Variants in ZNF837 observed in about 807,000 individuals in gnomAD.
ZNF837 encodes the protein zinc finger protein 837.
For synonymous variants in ZNF837, 475 were observed against 365.2 expected (o/e 1.30, Z -3.43); for missense variants, 955 against 801.7 (o/e 1.19, Z -2.31).
At chr19:58,370,449 C>T (rs971915632) in intron 1 of ZNF837, among the ~76,000 whole-genome samples, 3 of 152,148 alleles carry the variant, frequency 2.0e-5, no homozygotes, top group Admixed American at 6.5e-5. Context: ...GTTCTTTTGC[C>T]TTGTGAAGTA....
intron 1 of ZNF837, among the ~76,000 whole-genome samples, chr19:58,376,011 C>T (rs2052242287): frequency 6.6e-6 from 1 of 151,906 alleles, no homozygotes; most frequent in Non-Finnish European, 1.5e-5. Flanking sequence ...CTCTGCCTCC[C>T]AGGTTCAAGC....
chr19:58,371,783 G>A (rs775350672), intron 1 of ZNF837, among the ~76,000 whole-genome samples: 11 of 152,086 alleles, frequency 7.2e-5, no homozygotes, highest in Admixed American at 2.0e-4. Flanking sequence ...GTGCAGTGGC[G>A]CCATCTCAGC....
At chr19:58,379,712 A>C (rs2052275045) in intron 1 of ZNF837, among the ~76,000 whole-genome samples, 1 of 152,240 alleles carries the variant, frequency 6.6e-6, no homozygotes, top group African/African-American at 2.4e-5. Flanking sequence ...CTGAGAGGTT[A>C]ACGTGGCCAA....
rs531657027 is a variant in ZNF837 at position 58,370,927 on chromosome 19, AGAGG to A, written c.-139-1003_-139-1000del. On this transcript the variant is annotated intron_variant, in intron 1 of 2. Transcript: ENST00000597582. ...AAAAGGAAAAAAAGAAAAGAGAGAG[AGAGG>A]GAGGGAGGGGTGAAGGCCGGGGGGG... Among the ~76,000 whole-genome samples the A allele has an allele frequency of 4.0e-4, 29 of 73,242 alleles. 1 individual carries two copies. The South Asian group carries it at 6.5e-3, about 16-fold the overall frequency. 48.0% of individuals were successfully genotyped at this position (73,242 alleles called of 152,430 possible).
rs971927113 is a variant in ZNF837, at chr19:58,372,898, T to C, written c.-139-2970A>G. The stretch of plus-strand genomic sequence containing the variant: ...CAGGCCCGGTTCCTGCTCTGCTGTA[T>C]GGGAGGCTGCTGGCCTGAGCTGGAG... On this transcript the variant is annotated intron_variant, in intron 1 of 2. Transcript: ENST00000597582. 2.0e-5 allele frequency among the ~76,000 whole-genome samples: 3 copies of C among 152,174 alleles called. No individual in the cohort carries two copies. The East Asian group carries it at 5.8e-4, about 29-fold the overall frequency.
chr19:58,367,939 T>G lies in ZNF837; in HGVS notation c.1394A>C (p.His465Pro). The change falls in exon 3 of 3, where the codon CAC becomes CCC. Residue 465 changes from histidine to proline, a missense_variant. Coordinates refer to ENST00000597582, the MANE Select transcript of ZNF837 (RefSeq NM_138466.2). ...TFRGCSELRQHERLHSGEKPY... is the reference protein window; with the variant it reads ...TFRGCSELRQPERLHSGEKPY... ...CTTCTCGCCCGAGTGCAGGCGCTCGTGCTGGCGCAGCTCGGAGCAGCCGCG... is the reference window on the plus strand; with the variant it reads ...CTTCTCGCCCGAGTGCAGGCGCTCGGGCTGGCGCAGCTCGGAGCAGCCGCG... 6.5e-7 allele frequency: 1 copy of G among 1,534,048 alleles called. No homozygotes were observed. The highest frequency in any genetic ancestry group is 1.2e-5 in the South Asian group (1 of 83,866).
intron 1 of ZNF837, among the ~76,000 whole-genome samples, chr19:58,376,382 C>T (rs986315840): frequency 6.6e-6 from 1 of 150,994 alleles, no homozygotes; most frequent in African/African-American, 2.4e-5. Context: ...GAAACCCCAT[C>T]TCTACTAAAA....
chr19:58,368,021 G>T lies in ZNF837; in HGVS notation c.1312C>A (p.Gln438Lys). Residue 438 changes from glutamine (Q) to lysine (K), a missense_variant, in exon 3 of 3, where the codon CAG becomes AAG. Physicochemically the swap from Gln to Lys is moderately conservative, Grantham distance 53. Transcript: ENST00000597582. ...FKGRSGLVQHQRAHTGERPYG... is the reference protein window; with the variant it reads ...FKGRSGLVQHKRAHTGERPYG... ...GGCCGCTCGCCGGTGTGCGCGCGCT[G>T]GTGTTGCACCAGGCCCGAGCGGCCC... 1.3e-6 allele frequency: 2 copies of T among 1,535,434 alleles called. No homozygotes were observed. The highest frequency in any genetic ancestry group is 2.4e-5 in the South Asian group (2 of 84,006).
intron 1 of ZNF837, among the ~76,000 whole-genome samples, chr19:58,377,759 G>C (rs1323119317): frequency 6.6e-6 from 1 of 152,210 alleles, no homozygotes; most frequent in Non-Finnish European, 1.5e-5. Flanking sequence ...GCCACCACAT[G>C]GGAAGTTGTG....
chr19:58,379,538 C>T (rs1283547575), intron 1 of ZNF837, among the ~76,000 whole-genome samples: 1 of 152,208 alleles, frequency 6.6e-6, no homozygotes, highest in African/African-American at 2.4e-5. Context: ...GTCCCAGGAG[C>T]CCGTCCTTGA....
rs2052159676 is a variant in ZNF837, at chr19:58,368,298, C to T, written c.1035G>A (p.Gly345=). The T allele has an allele frequency of 3.4e-6, 5 of 1,482,278 alleles. No homozygotes were observed. The East Asian group carries it at 1.3e-4, about 38-fold the overall frequency. The allele number at this position is 1,482,278 out of a possible 1,614,324, so 91.8% of individuals were successfully genotyped here. A position where few individuals can be genotyped will look rare whatever the true frequency, so the allele number is the denominator to read the frequency against. Residue 345 remains glycine (G), a synonymous_variant, in exon 3 of 3, where the codon GGG becomes GGA. Transcript: ENST00000597582. ...GTCGGGGACTCCGCTCGCTGTAGTC[C>T]CCGCAGGGCGGGCACCCCAGCCGGA... ...RAFRLGCPPC[G]DYSERSPRRG...
At position 58,375,270 on chromosome 19, in the gene ZNF837, G is replaced by GTATATATATA. The variant is rs58582835; in HGVS notation, c.-139-5352_-139-5343dup. 4.1e-3 allele frequency among the ~76,000 whole-genome samples: 141 copies of GTATATATATA among 34,762 alleles called. 2 individuals are homozygous for GTATATATATA. Among genetic ancestry groups the GTATATATATA allele is most frequent in the African/African-American group, 6.1e-3 (63 of 10,336 alleles). The allele number at this position is 34,762 out of a possible 152,430, so 22.8% of individuals were successfully genotyped here. On this transcript the variant is annotated intron_variant, in intron 1 of 2. Coordinates refer to ENST00000597582, the MANE Select transcript of ZNF837 (RefSeq NM_138466.2). ...GAATCTGTCTCAAAAAAAAAAAAAA[G>GTATATATATA]TATATATATATATATATATATATAT...
In ZNF837 at chr19:58,368,649, G is replaced by T. The variant is rs7255916; in HGVS notation, c.684C>A (p.Ala228=). The change falls in exon 3 of 3, where the codon GCC becomes GCA. Residue 228 remains alanine (A), a synonymous_variant. Coordinates refer to ENST00000597582, the MANE Select transcript of ZNF837 (RefSeq NM_138466.2). The part of the protein sequence containing the change: ...LQATEEPRPC[A]RCGKRFRPNQ... Reference sequence around the variant, plus strand: ...TGGGGCGGAAGCGCTTCCCGCACCGGGCACACGGACGGGGCTCCTCCGTCG... The same window carrying T: ...TGGGGCGGAAGCGCTTCCCGCACCGTGCACACGGACGGGGCTCCTCCGTCG... 3.9e-6 allele frequency: 6 copies of T among 1,529,900 alleles called. No individual in the cohort carries two copies. The highest frequency in any genetic ancestry group is 1.2e-5 in the South Asian group (1 of 83,328). The allele number at this position is 1,529,900 out of a possible 1,614,324, so 94.8% of individuals were successfully genotyped here. A position where few individuals can be genotyped will look rare whatever the true frequency, so the allele number is the denominator to read the frequency against.
At chr19:58,377,405 G>A (rs567367199) in intron 1 of ZNF837, among the ~76,000 whole-genome samples, 20 of 151,990 alleles carry the variant, frequency 1.3e-4, no homozygotes, top group Admixed American at 5.2e-4. Context: ...GTGTGAACCC[G>A]GGAGGCGGAG....
chr19:58,379,283 A>C (rs1319380519), intron 1 of ZNF837, among the ~76,000 whole-genome samples: 2 of 152,188 alleles, frequency 1.3e-5, no homozygotes, highest in African/African-American at 4.8e-5. Context: ...TGCTAACAGC[A>C]TCTTCGGATT....
chr19:58,372,436 G>C (rs553562465), intron 1 of ZNF837, among the ~76,000 whole-genome samples: 7 of 152,022 alleles, frequency 4.6e-5, no homozygotes, highest in South Asian at 2.1e-4. Flanking sequence ...GGGAGTCCGG[G>C]GGGGGCGGAT....
At chr19:58,378,428 CTG>C (rs2052266178) in intron 1 of ZNF837, among the ~76,000 whole-genome samples, 1 of 152,218 alleles carries the variant, frequency 6.6e-6, no homozygotes, top group South Asian at 2.1e-4. Context: ...ATGTCACAGT[CTG>C]TACAACAGCT....
intron 1 of ZNF837, among the ~76,000 whole-genome samples, chr19:58,372,775 GA>G (rs2052213154): frequency 6.6e-6 from 1 of 152,220 alleles, no homozygotes; most frequent in Admixed American, 6.5e-5. Flanking sequence ...CTCTGGGGAT[GA>G]ATGTTTTTGA....
chr19:58,379,327 C>T (rs2052272694), intron 1 of ZNF837, among the ~76,000 whole-genome samples: 1 of 152,180 alleles, frequency 6.6e-6, no homozygotes, highest in South Asian at 2.1e-4. Flanking sequence ...GGGGTGGCTC[C>T]TCTGCTGCAA....
Sources: allele counts gnomAD v4.1 joint callset (sites outside exome capture counted in the v4.1 genomes callset), GRCh38; gene constraint gnomAD v4.1.1; transcripts MANE v1.5; gene names NCBI Gene and HGNC (gene_info 2026-07-23, HGNC 2026-07-21).